Variants in GRM8 observed in about 807,000 individuals in gnomAD.
The protein encoded by GRM8 is glutamate metabotropic receptor 8, also known as metabotropic glutamate receptor 8.
GRM8 carries 47 observed loss-of-function variants against 87.2 expected under a neutral mutation model. The ratio of observed to expected loss-of-function variants is 0.54; its 90% CI spans 0.43 to 0.69. GRM8 has a LOEUF of 0.69. Among genes scored for constraint, GRM8 ranks in the 30% least tolerant of loss-of-function variants. GRM8 has a pLI of 0.00. For synonymous variants in GRM8, 396 were observed against 404.5 expected (o/e 0.98, Z 0.25); for missense variants, 1,019 against 1,139.2 (o/e 0.89, Z 1.52).
chr7:126,458,816 C>G (rs1803559647), intron 9 of GRM8, among the ~76,000 whole-genome samples: 1 of 150,848 alleles, frequency 6.6e-6, no homozygotes, highest in African/African-American at 2.4e-5. Context: ...AACCAAATAT[C>G]ATCCCTGTAA....
At chr7:127,218,458 C>G (rs1796706657) in intron 2 of GRM8, among the ~76,000 whole-genome samples, 1 of 152,150 alleles carries the variant, frequency 6.6e-6, no homozygotes, top group Admixed American at 6.5e-5. Flanking sequence ...AGCTGTGTGG[C>G]CTTGGGCAAG....
rs192705761 is a variant in GRM8 at position 127,016,065 on chromosome 7, G to T, written c.727+90431C>A. On this transcript the variant is annotated intron_variant, in intron 3 of 10. Coordinates refer to ENST00000339582, the MANE Select transcript of GRM8 (RefSeq NM_000845.3). ...GACTTAACACTGCCCTAGTTCTCAAGCCTCTAGTTTCTCTTCATGACAGTA... is the reference window on the plus strand; with the variant it reads ...GACTTAACACTGCCCTAGTTCTCAATCCTCTAGTTTCTCTTCATGACAGTA... Among the ~76,000 whole-genome samples, 135 of 152,154 alleles carry T rather than the reference G, an allele frequency of 8.9e-4. 1 individual carries two copies. Among genetic ancestry groups the T allele is most frequent in the African/African-American group, 3.2e-3 (133 of 41,552 alleles).
intron 3 of GRM8, among the ~76,000 whole-genome samples, chr7:126,984,723 A>G (rs921960499): frequency 6.6e-6 from 1 of 152,114 alleles, no homozygotes; most frequent in African/African-American, 2.4e-5. Flanking sequence ...CCTAATATAG[A>G]TTTTGTCATT....
intron 3 of GRM8, among the ~76,000 whole-genome samples, chr7:126,965,682 T>C (rs947281740): frequency 8.5e-5 from 13 of 152,116 alleles, no homozygotes; most frequent in Non-Finnish European, 1.9e-4. Flanking sequence ...TTTTCCCTAA[T>C]ATATCTTTAT....
chr7:126,768,446 A>G (rs1818453970), intron 7 of GRM8, among the ~76,000 whole-genome samples: 1 of 151,532 alleles, frequency 6.6e-6, no homozygotes, highest in Admixed American at 6.6e-5. Context: ...TTACATTAAG[A>G]TATTCTTTAA....
intron 9 of GRM8, among the ~76,000 whole-genome samples, chr7:126,494,263 T>A (rs1438776817): frequency 6.6e-6 from 1 of 152,038 alleles, no homozygotes; most frequent in African/African-American, 2.4e-5. Flanking sequence ...ATTGTCACCA[T>A]TTTTTAAAGT....
intron 2 of GRM8, among the ~76,000 whole-genome samples, chr7:127,150,642 T>C (rs1296465564): frequency 6.6e-6 from 1 of 152,092 alleles, no homozygotes; most frequent in Non-Finnish European, 1.5e-5. Flanking sequence ...ACAGAAAGAC[T>C]GTAAAAGTCA....
At chr7:126,739,042 G>T (rs1373848399) in intron 7 of GRM8, among the ~76,000 whole-genome samples, 1 of 151,760 alleles carries the variant, frequency 6.6e-6, no homozygotes, top group East Asian at 1.9e-4. Context: ...AAAAGGAGAA[G>T]GAACCAGATT....
intron 6 of GRM8, among the ~76,000 whole-genome samples, chr7:126,831,409 G>A (rs537129790): frequency 5.9e-5 from 9 of 152,288 alleles, no homozygotes; most frequent in East Asian, 1.9e-4. Context: ...GGGCAATGGC[G>A]GGCGCCCCTC....
chr7:126,878,244 T>C (rs1799701666), intron 6 of GRM8, among the ~76,000 whole-genome samples: 1 of 152,226 alleles, frequency 6.6e-6, no homozygotes, highest in African/African-American at 2.4e-5. Context: ...ACAAAACTTG[T>C]TGACAGCCAT....
intron 3 of GRM8, among the ~76,000 whole-genome samples, chr7:126,922,388 C>T (rs1172500243): frequency 6.6e-6 from 1 of 151,794 alleles, no homozygotes; most frequent in African/African-American, 2.4e-5. Context: ...GTTAAGTCAT[C>T]GTCTTCCGTA....
chr7:126,549,562 T>C (rs1167551162), intron 8 of GRM8, among the ~76,000 whole-genome samples: 1 of 152,186 alleles, frequency 6.6e-6, no homozygotes, highest in Non-Finnish European at 1.5e-5. Context: ...TAGTTTATGT[T>C]TATACATATA....
At chr7:126,917,811 C>A (rs1419464) in intron 3 of GRM8, among the ~76,000 whole-genome samples, 26,484 of 152,142 alleles carry the variant, frequency 0.17, 2,432 homozygotes, top group East Asian at 0.28. Flanking sequence ...ATCATCAAGG[C>A]TGCACAGTTT....
At chr7:126,490,890 A>G (rs978498763) in intron 9 of GRM8, among the ~76,000 whole-genome samples, 1 of 152,104 alleles carries the variant, frequency 6.6e-6, no homozygotes, top group African/African-American at 2.4e-5. Flanking sequence ...AAGGTAATTT[A>G]AAGAGGTTAA....
rs868114880 is a variant in GRM8 at position 126,878,613 on chromosome 7, G to A, written c.1156+23929C>T. ...CAGCTCACTGCAACCTCCACTTCCC[G>A]GGTTCAAGCGATTCTCCAGCCTCAG... On this transcript the variant is annotated intron_variant, in intron 6 of 10. Coordinates refer to ENST00000339582, the MANE Select transcript of GRM8 (RefSeq NM_000845.3). Among the ~76,000 whole-genome samples the A allele has an allele frequency of 1.8e-4, 27 of 148,868 alleles. 1 individual carries two copies. The highest frequency in any genetic ancestry group is 6.2e-4 in the African/African-American group (25 of 40,374).
chr7:127,055,882 C>G (rs1819932889), intron 3 of GRM8, among the ~76,000 whole-genome samples: 1 of 151,884 alleles, frequency 6.6e-6, no homozygotes, highest in South Asian at 2.1e-4. Flanking sequence ...ACCTTACAAC[C>G]AAAGTCAAAA....
At chr7:127,043,128 A>C (rs1818590634) in intron 3 of GRM8, among the ~76,000 whole-genome samples, 1 of 152,222 alleles carries the variant, frequency 6.6e-6, no homozygotes, top group South Asian at 2.1e-4. Context: ...GGTGCTGGAG[A>C]GGATGTGGAG....
rs1340635414 is a variant in GRM8 at position 126,536,904 on chromosome 7, C to A, written c.1495-3017G>T. Reference sequence around the variant, plus strand: ...TTGGAAACATTAAACTTCAAGAAACCTTAAAGGTCAGTTTCTCTAACCACA... The same window carrying A: ...TTGGAAACATTAAACTTCAAGAAACATTAAAGGTCAGTTTCTCTAACCACA... On this transcript the variant is annotated intron_variant, in intron 8 of 10. Transcript: ENST00000339582. 2.0e-5 allele frequency among the ~76,000 whole-genome samples: 3 copies of A among 151,872 alleles called. No individual in the cohort carries two copies. The East Asian group carries it at 5.8e-4, about 29-fold the overall frequency.
intron 3 of GRM8, among the ~76,000 whole-genome samples, chr7:126,975,141 G>C (rs1355398641): frequency 6.6e-6 from 1 of 151,864 alleles, no homozygotes; most frequent in East Asian, 1.9e-4. Flanking sequence ...ATTTCCTCTT[G>C]GTGTAAGAGC....
Sources: gnomAD v4.1 joint callset for allele counts (sites outside exome capture counted in the v4.1 genomes callset) on GRCh38, gnomAD v4.1.1 for gene constraint, MANE v1.5 for transcripts, NCBI Gene and HGNC (gene_info 2026-07-23, HGNC 2026-07-21) for gene names.